SPATA6: variants seen among roughly 807,000 people sequenced by gnomAD.
SPATA6 encodes spermatogenesis-associated protein 6.
SPATA6 carries 56 observed loss-of-function variants against 65.3 expected under a neutral mutation model. The ratio of observed to expected loss-of-function variants is 0.86; its 90% CI spans 0.69 to 1.07. The LOEUF is 1.07. Among genes scored for constraint, SPATA6 ranks in the 50% least tolerant of loss-of-function variants. The probability of loss-of-function intolerance (pLI) is 0.00; values close to 1 mark genes in which losing one functional copy is unlikely to be tolerated. For missense variants in SPATA6, 590 were observed against 594.8 expected (o/e 0.99, Z 0.08); for synonymous variants, 199 against 213.2 (o/e 0.93, Z 0.58).
intron 3 of SPATA6, among the ~76,000 whole-genome samples, chr1:48,442,647 AACAG>A (rs1310904398): frequency 6.7e-6 from 1 of 149,926 alleles, no homozygotes; most frequent in Non-Finnish European, 1.5e-5. Context: ...GAAAGGAAGA[AACAG>A]ACAAAGAGGG....
chr1:48,329,056 G>A (rs965314381), intron 11 of SPATA6, among the ~76,000 whole-genome samples: 9 of 152,106 alleles, frequency 5.9e-5, no homozygotes, highest in South Asian at 2.1e-4. Context: ...AGGTCTTGAT[G>A]AAATATTAAT....
chr1:48,279,872 A>T, the SPATA6 span, among the ~76,000 whole-genome samples: 3,753 of 152,300 alleles, frequency 0.025, 98 homozygotes, highest in African/African-American at 0.067. Flanking sequence ...AAATCAACAG[A>T]ATATACATTC....
At chr1:48,450,320 T>C (rs1439230562) in intron 3 of SPATA6, among the ~76,000 whole-genome samples, 5 of 137,010 alleles carry the variant, frequency 3.6e-5, no homozygotes, top group Admixed American at 7.8e-5. Flanking sequence ...GGAATACTAG[T>C]GGTTGGGAAG....
At chr1:48,434,684 G>C (rs1654727751) in intron 3 of SPATA6, among the ~76,000 whole-genome samples, 1 of 152,056 alleles carries the variant, frequency 6.6e-6, no homozygotes, top group African/African-American at 2.4e-5. Flanking sequence ...AACATCTGTG[G>C]TGCACTTACG....
intron 11 of SPATA6, among the ~76,000 whole-genome samples, chr1:48,321,165 TC>T (rs1259977523): frequency 2.0e-5 from 3 of 152,100 alleles, no homozygotes; most frequent in Non-Finnish European, 4.4e-5. Context: ...TCTTTACTTA[TC>T]AATAATAACA....
rs1387478090 is a variant in SPATA6, at chr1:48,297,475, C to A, written c.*1238G>T. On this transcript the variant is annotated 3_prime_UTR_variant, in exon 13 of 13. Transcript: ENST00000371847. Reference sequence around the variant, plus strand: ...AACATGATGTTAACAAGTTCTACTACAAAAATAAGTCAGCAAGTTTCACAT... The same window carrying A: ...AACATGATGTTAACAAGTTCTACTAAAAAAATAAGTCAGCAAGTTTCACAT... 6.6e-6 allele frequency: 1 copy of A among 152,082 alleles called. No individual in the cohort carries two copies. Among genetic ancestry groups the A allele is most frequent in the Non-Finnish European group, 1.5e-5 (1 of 68,008 alleles). The allele number at this position is 152,082 out of a possible 1,614,324, so 9.4% of individuals were successfully genotyped here.
intron 6 of SPATA6, chr1:48,400,793 A>C (rs1241788345): frequency 7.7e-7 from 1 of 1,297,566 alleles, no homozygotes. Flanking sequence ...AGATTACTCC[A>C]TCTTTCCTTC....
intron 11 of SPATA6, among the ~76,000 whole-genome samples, chr1:48,349,256 G>A (rs1186664311): frequency 6.6e-6 from 1 of 151,844 alleles, no homozygotes; most frequent in African/African-American, 2.4e-5. Context: ...AGTTGTCACA[G>A]GGATGCTATG....
chr1:48,399,269 G>A (rs1384132993), intron 7 of SPATA6, 82 bp downstream of exon 7: 13 of 1,438,552 alleles, frequency 9.0e-6, no homozygotes, highest in Non-Finnish European at 1.1e-5. Flanking sequence ...TAAGCTAGAA[G>A]TTGAAAGATA....
chr1:48,399,248 T>C, intron 7 of SPATA6, 103 bp downstream of exon 7: 1 of 1,299,310 alleles, frequency 7.7e-7, no homozygotes, highest in Non-Finnish European at 1.1e-6. Context: ...AAGAGAAAAG[T>C]ATTATTAATA....
intron 12 of SPATA6, among the ~76,000 whole-genome samples, chr1:48,301,300 A>G (rs1644932247): frequency 6.6e-6 from 1 of 151,860 alleles, no homozygotes; most frequent in Non-Finnish European, 1.5e-5. Context: ...AAGAAAAAAA[A>G]AAGCCAGAAA....
At chr1:48,466,852 A>G (rs1657847292) in intron 1 of SPATA6, among the ~76,000 whole-genome samples, 1 of 152,080 alleles carries the variant, frequency 6.6e-6, no homozygotes, top group Admixed American at 6.6e-5. Context: ...CAGTGCTATC[A>G]TTAGTTTCAG....
At chr1:48,401,754 C>A (rs77574756) in intron 6 of SPATA6, among the ~76,000 whole-genome samples, 1 of 151,964 alleles carries the variant, frequency 6.6e-6, no homozygotes, top group East Asian at 1.9e-4. Context: ...CCATTCATCC[C>A]TAGCCAACCA....
intron 9 of SPATA6, among the ~76,000 whole-genome samples, chr1:48,380,419 A>C (rs988314735): frequency 2.0e-5 from 3 of 152,212 alleles, no homozygotes; most frequent in African/African-American, 7.2e-5. Flanking sequence ...CAGCGATGAG[A>C]GTGGAAAGGA....
chr1:48,366,383 T>A (rs1422444379), intron 9 of SPATA6, among the ~76,000 whole-genome samples: 2 of 152,222 alleles, frequency 1.3e-5, no homozygotes, highest in East Asian at 3.8e-4. Flanking sequence ...TACCCGTTCC[T>A]CCTTGTACCT....
intron 10 of SPATA6, among the ~76,000 whole-genome samples, chr1:48,356,914 C>A (rs1291960349): frequency 1.3e-5 from 2 of 152,124 alleles, no homozygotes; most frequent in Non-Finnish European, 2.9e-5. Flanking sequence ...ATTATCTAAA[C>A]TTTAATCTCC....
At chr1:48,302,042 A>G (rs888350741) in intron 12 of SPATA6, among the ~76,000 whole-genome samples, 7 of 152,230 alleles carry the variant, frequency 4.6e-5, no homozygotes, top group African/African-American at 1.7e-4. Flanking sequence ...TCTTCTTTAC[A>G]TGTCTCAGAG....
At chr1:48,290,261 T>C in the SPATA6 span, among the ~76,000 whole-genome samples, 4 of 152,124 alleles carry the variant, frequency 2.6e-5, no homozygotes, top group Non-Finnish European at 5.9e-5. Flanking sequence ...GCCTCATAAG[T>C]GAAGGAGAAA....
intron 11 of SPATA6, among the ~76,000 whole-genome samples, chr1:48,342,750 G>A (rs946242997): frequency 1.3e-5 from 2 of 152,140 alleles, no homozygotes; most frequent in Admixed American, 6.6e-5. Flanking sequence ...ATTCTAGGGT[G>A]CTAGTAATGT....
Sources: allele counts gnomAD v4.1 joint callset (sites outside exome capture counted in the v4.1 genomes callset), GRCh38; gene constraint gnomAD v4.1.1; transcripts MANE v1.5; gene names NCBI Gene and HGNC (gene_info 2026-07-23, HGNC 2026-07-21).